PTPRD: variants seen among roughly 807,000 people sequenced by gnomAD.
The protein encoded by PTPRD is protein tyrosine phosphatase receptor type D, also known as receptor-type tyrosine-protein phosphatase delta.
PTPRD carries 34 observed loss-of-function variants against 214.5 expected under a neutral mutation model. That is an observed-to-expected ratio of 0.16 (90% CI 0.12 to 0.21). PTPRD has a LOEUF of 0.21. Among genes scored for constraint, PTPRD ranks in the 10% least tolerant of loss-of-function variants. PTPRD has a pLI of 1.00. For missense variants in PTPRD, 2,545 were observed against 2,398.7 expected, an observed-to-expected ratio of 1.06 and a Z score of -1.27; for synonymous variants, 1,128 against 845.7, an observed-to-expected ratio of 1.33 and a Z score of -5.79.
intron 10 of PTPRD, among the ~76,000 whole-genome samples, chr9:9,153,946 A>G (rs1471315034): frequency 1.4e-4 from 21 of 152,090 alleles, no homozygotes. Context: ...CACTACTCCC[A>G]CTTGCATTCT....
In PTPRD at chr9:10,476,835, C is replaced by T. The variant is rs529546585; in HGVS notation, c.-600+135563G>A. 7.2e-5 allele frequency among the ~76,000 whole-genome samples: 11 copies of T among 152,210 alleles called. No individual in the cohort carries two copies. The South Asian group carries it at 2.3e-3, about 32-fold the overall frequency. On this transcript the variant is annotated intron_variant, in intron 2 of 45. Coordinates refer to ENST00000381196, the MANE Select transcript of PTPRD (RefSeq NM_002839.4). The stretch of plus-strand genomic sequence containing the variant: ...AATAGAAGTCTCAGAAATAACACCA[C>T]ACATCTACAACCATCATATCTTCGA...
intron 23 of PTPRD, among the ~76,000 whole-genome samples, chr9:8,503,071 G>A (rs1351211321): frequency 1.3e-5 from 2 of 151,850 alleles, no homozygotes; most frequent in Non-Finnish European, 2.9e-5. Flanking sequence ...AAAATTTTAT[G>A]GGAATAAACG....
In PTPRD at chr9:9,717,405, G is replaced by A; in HGVS notation, c.-287+17128C>T. ...CTGTGAAGAAAGTCATTGGTAGCTTGATGGGGATGGTATTGAATCTATAAA... is the reference window on the plus strand; with the variant it reads ...CTGTGAAGAAAGTCATTGGTAGCTTAATGGGGATGGTATTGAATCTATAAA... On this transcript the variant is annotated intron_variant, in intron 7 of 45. Transcript: ENST00000381196. Among the ~76,000 whole-genome samples the A allele has an allele frequency of 1.3e-5, 2 of 152,306 alleles. 1 individual carries two copies. The highest frequency in any genetic ancestry group is 3.9e-4 in the East Asian group (2 of 5,190).
At chr9:10,264,480 A>G (rs1424222332) in intron 3 of PTPRD, among the ~76,000 whole-genome samples, 2 of 152,116 alleles carry the variant, frequency 1.3e-5, no homozygotes, top group Admixed American at 6.5e-5. Context: ...TTAAGATTTG[A>G]CTGCCCTGCT....
chr9:9,740,657 C>G (rs765095410), intron 6 of PTPRD, among the ~76,000 whole-genome samples: 2 of 152,152 alleles, frequency 1.3e-5, no homozygotes, highest in Admixed American at 6.6e-5. Context: ...AGCCACCGCA[C>G]CTGGCCTCTA....
At chr9:10,083,547 A>C (rs2098277736) in intron 3 of PTPRD, among the ~76,000 whole-genome samples, 1 of 152,032 alleles carries the variant, frequency 6.6e-6, no homozygotes, top group Non-Finnish European at 1.5e-5. Flanking sequence ...TAAAAGCATA[A>C]AGTTTTAATG....
At position 8,376,715 on chromosome 9, in the gene PTPRD, G is replaced by A. The variant is rs768372029; in HGVS notation, c.4398C>T (p.Asp1466=). The part of the protein sequence containing the change: ...KLEERSRVKC[D]QYWPSRGTET... ...CTGTGCCTCTGCTAGGCCAATACTG[G>A]TCACACTTCACCTACAAGAAACAAG... is the stretch of plus-strand genomic sequence containing the variant. Residue 1466 remains aspartate, a synonymous_variant, in exon 38 of 46, where the codon GAC becomes GAT. Transcript: ENST00000381196. The A allele has an allele frequency of 6.2e-7, 1 of 1,612,874 alleles. No homozygotes were observed. Among genetic ancestry groups the A allele is most frequent in the South Asian group, 1.1e-5 (1 of 91,066 alleles).
intron 5 of PTPRD, among the ~76,000 whole-genome samples, chr9:9,810,976 G>A (rs553872912): frequency 1.3e-5 from 2 of 152,060 alleles, no homozygotes; most frequent in South Asian, 2.1e-4. Context: ...ACTCGCTCAC[G>A]TCTGTAATCC....
chr9:9,560,333 C>T (rs1415171210), intron 8 of PTPRD, among the ~76,000 whole-genome samples: 2 of 152,214 alleles, frequency 1.3e-5, no homozygotes, highest in Non-Finnish European at 1.5e-5. Context: ...CCTGCAAGAA[C>T]ATATGGTGGT....
intron 4 of PTPRD, among the ~76,000 whole-genome samples, chr9:10,020,213 T>C (rs2096821251): frequency 6.6e-6 from 1 of 152,210 alleles, no homozygotes; most frequent in South Asian, 2.1e-4. Flanking sequence ...TTGGACATTG[T>C]TTTCTCTGTG....
rs185214352 is a variant in PTPRD at position 9,009,923 on chromosome 9, C to G, written c.-104+8774G>C. ...TGAGAATTTTAGGTTGACTTGGTGCCTCTACGGAGGGATCCTGAGTAATTT... is the reference window on the plus strand; with the variant it reads ...TGAGAATTTTAGGTTGACTTGGTGCGTCTACGGAGGGATCCTGAGTAATTT... On this transcript the variant is annotated intron_variant, in intron 11 of 45. Transcript: ENST00000381196. Among the ~76,000 whole-genome samples the G allele has an allele frequency of 1.4e-4, 21 of 152,128 alleles. No individual in the cohort carries two copies. In the East Asian group the frequency reaches 3.7e-3, roughly 27 times the overall value.
At chr9:8,676,837 G>C (rs1049003074) in intron 12 of PTPRD, among the ~76,000 whole-genome samples, 1 of 152,188 alleles carries the variant, frequency 6.6e-6, no homozygotes, top group East Asian at 1.9e-4. Flanking sequence ...GCCTCCCAAA[G>C]GGCTGGGACT....
intron 9 of PTPRD, among the ~76,000 whole-genome samples, chr9:9,319,071 C>T (rs1462287688): frequency 6.6e-6 from 1 of 152,148 alleles, no homozygotes; most frequent in Admixed American, 6.6e-5. Flanking sequence ...CTGCAATAGG[C>T]TTGACGAAAA....
intron 35 of PTPRD, among the ~76,000 whole-genome samples, chr9:8,433,001 T>C (rs574084378): frequency 3.5e-4 from 54 of 152,360 alleles, no homozygotes; most frequent in African/African-American, 1.3e-3. Context: ...TCTTTACATG[T>C]AGCATTTCTT....
intron 9 of PTPRD, among the ~76,000 whole-genome samples, chr9:9,358,184 T>C (rs1319714248): frequency 6.6e-6 from 1 of 151,336 alleles, no homozygotes; most frequent in South Asian, 2.1e-4. Context: ...AAGGTACTTG[T>C]AACATTTGGA....
At chr9:10,541,536 T>C (rs2135295938) in intron 2 of PTPRD, among the ~76,000 whole-genome samples, 1 of 151,998 alleles carries the variant, frequency 6.6e-6, no homozygotes, top group Admixed American at 6.6e-5. Flanking sequence ...TATCTCCTTA[T>C]ATATATTTAT....
intron 11 of PTPRD, among the ~76,000 whole-genome samples, chr9:8,790,427 T>A (rs2096181631): frequency 6.6e-6 from 1 of 152,118 alleles, no homozygotes; most frequent in South Asian, 2.1e-4. Flanking sequence ...TGTTTTATTT[T>A]GTGTTTTTGA....
rs917532047 is a variant in PTPRD at position 8,449,800 on chromosome 9, G to T, written c.3913C>A (p.Pro1305Thr). 6.2e-7 allele frequency: 1 copy of T among 1,614,022 alleles called. No individual in the cohort carries two copies. The highest frequency in any genetic ancestry group is 1.7e-5 in the Admixed American group (1 of 60,006). The change falls in exon 34 of 46, where the codon CCG becomes ACG. Residue 1305 changes from proline to threonine, a missense_variant. Coordinates refer to ENST00000381196, the MANE Select transcript of PTPRD (RefSeq NM_002839.4). ...TGTGAAGGGATCTCCTTATTGTTCG[G>T]TATGCTGCTTTTTCTAGAGTCGGAC... ...AESDSRKSSI[P>T]NNKEIPSHHP...
intron 27 of PTPRD, among the ~76,000 whole-genome samples, chr9:8,491,658 TAAAAAAA>T (rs922847603): frequency 2.6e-5 from 3 of 113,532 alleles, no homozygotes; most frequent in Non-Finnish European, 3.7e-5. Flanking sequence ...CAATGGTATT[TAAAAAAA>T]AAAAAAAAAA....
Sources: allele counts gnomAD v4.1 joint callset (sites outside exome capture counted in the v4.1 genomes callset), GRCh38; gene constraint gnomAD v4.1.1; transcripts MANE v1.5; gene names NCBI Gene and HGNC (gene_info 2026-07-23, HGNC 2026-07-21).